Variants in TMEM178B observed in about 807,000 individuals in gnomAD.
The protein encoded by TMEM178B is transmembrane protein 178B.
Under a neutral mutation model 31.0 loss-of-function variants are expected in TMEM178B, and 5 were observed. The ratio of observed to expected loss-of-function variants is 0.16; its 90% CI spans 0.08 to 0.34. The LOEUF (loss-of-function observed/expected upper bound fraction) is 0.34, where lower values mean the gene tolerates loss of function less well. TMEM178B is among the 10% of genes least tolerant of loss of function. TMEM178B has a pLI of 1.00. For missense variants in TMEM178B, 275 were observed against 400.3 expected (o/e 0.69, Z 2.67); for synonymous variants, 164 against 164.0 (o/e 1.00, Z 0.00).
At chr7:141,204,183 A>T (rs1796924913) in intron 1 of TMEM178B, among the ~76,000 whole-genome samples, 1 of 152,178 alleles carries the variant, frequency 6.6e-6, no homozygotes, top group Admixed American at 6.5e-5. Flanking sequence ...CAGGAGCTGG[A>T]AGCGTGAGAC....
chr7:141,327,795 G>A (rs1456886619), intron 2 of TMEM178B, among the ~76,000 whole-genome samples: 1 of 152,098 alleles, frequency 6.6e-6, no homozygotes, highest in African/African-American at 2.4e-5. Context: ...CCACAGTTGT[G>A]TTTTTAATAG....
chr7:141,470,931 G>C lies in TMEM178B; in HGVS notation c.*145G>C. 1 of 355,536 alleles carries C rather than the reference G, an allele frequency of 2.8e-6. No individual in the cohort carries two copies. Among genetic ancestry groups the C allele is most frequent in the Non-Finnish European group, 4.1e-6 (1 of 245,004 alleles). The allele number at this position is 355,536 out of a possible 1,614,324, so 22.0% of individuals were successfully genotyped here. A position where few individuals can be genotyped will look rare whatever the true frequency, so the allele number is the denominator to read the frequency against. ...GCACCTGCATCTCGCCGGACTTTGT[G>C]TTGCCTCATCTCTGAGATGGGGAAA... On this transcript the variant is annotated 3_prime_UTR_variant, in exon 4 of 4. Coordinates refer to ENST00000565468, the MANE Select transcript of TMEM178B (RefSeq NM_001195278.2).
intron 1 of TMEM178B, 58 bp from the exon 2 acceptor site, chr7:141,212,533 C>G: frequency 7.2e-7 from 1 of 1,393,276 alleles, no homozygotes; most frequent in Non-Finnish European, 9.8e-7. Context: ...AATCCCAGAA[C>G]TAGTCCAGAT....
the TMEM178B span, among the ~76,000 whole-genome samples, chr7:141,488,728 G>T: frequency 3.3e-5 from 5 of 152,046 alleles, no homozygotes; most frequent in African/African-American, 9.7e-5. Context: ...ATGAGCCACC[G>T]CGCCCGGCCT....
At chr7:141,380,538 C>T (rs28393978) in intron 2 of TMEM178B, among the ~76,000 whole-genome samples, 25,468 of 151,946 alleles carry the variant, frequency 0.17, 2,262 homozygotes, top group Middle Eastern at 0.2. Flanking sequence ...TGTTTACTAC[C>T]AGGATTATTT....
intron 2 of TMEM178B, among the ~76,000 whole-genome samples, chr7:141,258,193 A>G (rs1169565287): frequency 6.6e-6 from 1 of 151,158 alleles, no homozygotes; most frequent in Admixed American, 6.6e-5. Flanking sequence ...TGCATGTTAT[A>G]TATGTATGTA....
intron 2 of TMEM178B, among the ~76,000 whole-genome samples, chr7:141,271,813 T>C (rs1348881497): frequency 3.3e-5 from 5 of 152,200 alleles, no homozygotes; most frequent in Non-Finnish European, 5.9e-5. Flanking sequence ...TCCATGACAA[T>C]CCTGTGAGGC....
chr7:141,390,818 T>C (rs958363705), intron 2 of TMEM178B, among the ~76,000 whole-genome samples: 7 of 152,230 alleles, frequency 4.6e-5, no homozygotes, highest in Admixed American at 4.6e-4. Context: ...GAATCTCAGA[T>C]GAACTATATA....
chr7:141,259,792 G>A (rs950103420), intron 2 of TMEM178B, among the ~76,000 whole-genome samples: 1 of 152,306 alleles, frequency 6.6e-6, no homozygotes, highest in East Asian at 1.9e-4. Context: ...CCTTAATCTG[G>A]TAGGGCCTCC....
chr7:141,140,853 A>T (rs1795756967), intron 1 of TMEM178B, among the ~76,000 whole-genome samples: 1 of 152,240 alleles, frequency 6.6e-6, no homozygotes, highest in African/African-American at 2.4e-5. Flanking sequence ...ATCACTGTGT[A>T]TCAAGGGTGC....
intron 2 of TMEM178B, among the ~76,000 whole-genome samples, chr7:141,255,677 T>C (rs1285779987): frequency 6.6e-6 from 1 of 151,948 alleles, no homozygotes; most frequent in Non-Finnish European, 1.5e-5. Context: ...GTAAAAAACC[T>C]AATCCTGTAC....
chr7:141,094,792 T>C (rs943369828), intron 1 of TMEM178B, among the ~76,000 whole-genome samples: 2 of 152,214 alleles, frequency 1.3e-5, no homozygotes, highest in Non-Finnish European at 2.9e-5. Flanking sequence ...TTTTTTGAGA[T>C]AAAGCTGCTT....
At chr7:141,246,247 TA>T in intron 2 of TMEM178B, among the ~76,000 whole-genome samples, 1 of 152,326 alleles carries the variant, frequency 6.6e-6, no homozygotes, top group Middle Eastern at 3.4e-3. Flanking sequence ...TTAGTTCACA[TA>T]AAAATGTATT....
At chr7:141,360,496 C>A (rs531035013) in intron 2 of TMEM178B, among the ~76,000 whole-genome samples, 1 of 152,166 alleles carries the variant, frequency 6.6e-6, no homozygotes, top group Admixed American at 6.5e-5. Context: ...CTTTTTTCCT[C>A]GCTCATTCCT....
At chr7:141,324,247 C>T (rs1047819579) in intron 2 of TMEM178B, among the ~76,000 whole-genome samples, 4 of 151,878 alleles carry the variant, frequency 2.6e-5, no homozygotes, top group East Asian at 1.9e-4. Flanking sequence ...AACTCAGAGG[C>T]GGAGACACAG....
chr7:141,132,618 G>T (rs1233669536), intron 1 of TMEM178B, among the ~76,000 whole-genome samples: 4 of 152,068 alleles, frequency 2.6e-5, no homozygotes, highest in Non-Finnish European at 5.9e-5. Context: ...CACTGCTGGT[G>T]CCCACATGTG....
At chr7:141,397,795 T>TG (rs1388700447) in intron 2 of TMEM178B, among the ~76,000 whole-genome samples, 1 of 152,244 alleles carries the variant, frequency 6.6e-6, no homozygotes, top group African/African-American at 2.4e-5. Flanking sequence ...ATTCCTCATG[T>TG]GTAATGACAA....
At chr7:141,233,290 T>G (rs1173501246) in intron 2 of TMEM178B, among the ~76,000 whole-genome samples, 1 of 152,242 alleles carries the variant, frequency 6.6e-6, no homozygotes, top group Non-Finnish European at 1.5e-5. Context: ...TGAAAGACAT[T>G]TCTTTAATCA....
chr7:141,446,969 G>A (rs976328047), intron 3 of TMEM178B, among the ~76,000 whole-genome samples: 2 of 151,918 alleles, frequency 1.3e-5, no homozygotes, highest in Non-Finnish European at 2.9e-5. Flanking sequence ...ACATGCCATC[G>A]AGATGAAAAA....
Sources: gnomAD v4.1 joint callset for allele counts (sites outside exome capture counted in the v4.1 genomes callset) on GRCh38, gnomAD v4.1.1 for gene constraint, MANE v1.5 for transcripts, NCBI Gene and HGNC (gene_info 2026-07-23, HGNC 2026-07-21) for gene names.